POU2F1: variants seen among roughly 807,000 people sequenced by gnomAD.
The protein encoded by POU2F1 is POU class 2 homeobox 1.
POU2F1 carries 16 observed loss-of-function variants against 84.9 expected under a neutral mutation model. That is an observed-to-expected ratio of 0.19 (90% confidence interval 0.13 to 0.29). The LOEUF is 0.29. Among genes scored for constraint, POU2F1 ranks in the 10% least tolerant of loss-of-function variants. The probability of loss-of-function intolerance (pLI) is 1.00; values close to 1 mark genes in which losing one functional copy is unlikely to be tolerated. For synonymous variants in POU2F1, 368 were observed against 368.3 expected (o/e 1.00, Z 0.01); for missense variants, 738 against 942.6 (o/e 0.78, Z 2.84).
At chr1:167,365,375 A>C in intron 2 of POU2F1, 92 bp from the exon 3 acceptor site, 1 of 910,202 alleles carries the variant, frequency 1.1e-6, no homozygotes, top group Non-Finnish European at 1.6e-6. Context: ...ACTTATGCAA[A>C]ATAGGTGCCT....
chr1:167,415,401 GT>G (rs1033285506), intron 15 of POU2F1, 98 bp from the exon 16 acceptor site: 17 of 1,334,954 alleles, frequency 1.3e-5, no homozygotes, highest in East Asian at 2.3e-5. Flanking sequence ...TTCCTGGTGG[GT>G]TGTAGGAAAA....
rs1422601187 is a variant in POU2F1 at position 167,424,450 on chromosome 1, GGTA to G, written c.*8646_*8648del. Reference sequence around the variant, plus strand: ...TCTGTACTTCCATCCCCTCATCTGTGGTAGTAGTGAAGGCTAGGTGAGTAAGCG... The same window carrying G: ...TCTGTACTTCCATCCCCTCATCTGTGGTAGTGAAGGCTAGGTGAGTAAGCG... On this transcript the variant is annotated 3_prime_UTR_variant, in exon 16 of 16. Transcript: ENST00000367866. 2 of 152,298 alleles carry G rather than the reference GGTA, an allele frequency of 1.3e-5. No individual in the cohort carries two copies. The highest frequency in any genetic ancestry group is 4.8e-5 in the African/African-American group (2 of 41,464). The allele number at this position is 152,298 out of a possible 1,614,324, so 9.4% of individuals were successfully genotyped here.
intron 2 of POU2F1, chr1:167,338,261 A>G (rs762343185): frequency 2.2e-6 from 1 of 459,398 alleles, no homozygotes; most frequent in South Asian, 1.6e-5. Context: ...AATGAATAGT[A>G]AATATATTTT....
At chr1:167,266,225 T>C (rs1411536193) in intron 1 of POU2F1, among the ~76,000 whole-genome samples, 1 of 152,230 alleles carries the variant, frequency 6.6e-6, no homozygotes, top group Non-Finnish European at 1.5e-5. Flanking sequence ...GCCTTTTTTA[T>C]AGTTGCCTTT....
chr1:167,371,085 G>A (rs575832140), intron 4 of POU2F1, among the ~76,000 whole-genome samples: 1 of 152,264 alleles, frequency 6.6e-6, no homozygotes, highest in South Asian at 2.1e-4. Flanking sequence ...TAACACGTAG[G>A]AACAAGGAGA....
intron 7 of POU2F1, chr1:167,379,274 A>G (rs552278565): frequency 3.1e-4 from 47 of 152,296 alleles, no homozygotes; most frequent in African/African-American, 1.1e-3. Context: ...ATATCTTCCA[A>G]TAAGAAAGTC....
At chr1:167,372,537 T>C (rs1660076390) in intron 5 of POU2F1, among the ~76,000 whole-genome samples, 1 of 152,254 alleles carries the variant, frequency 6.6e-6, no homozygotes, top group Non-Finnish European at 1.5e-5. Context: ...CATTTCCCTC[T>C]ACCTGTTTTC....
In POU2F1 at chr1:167,427,254, AT is replaced by A. The variant is rs904537537; in HGVS notation, c.*11450del. 6.6e-6 allele frequency: 1 copy of A among 151,078 alleles called. No individual in the cohort carries two copies. Among genetic ancestry groups the A allele is most frequent in the Non-Finnish European group, 1.5e-5 (1 of 67,684 alleles). The allele number at this position is 151,078 out of a possible 1,614,324, so 9.4% of individuals were successfully genotyped here. A position where few individuals can be genotyped will look rare whatever the true frequency, so the allele number is the denominator to read the frequency against. ...TGTGTAGATGCATTTGTCTGCTGTA[AT>A]TTTTTATATATATATTAAACTTACT... On this transcript the variant is annotated 3_prime_UTR_variant, in exon 16 of 16. Coordinates refer to ENST00000367866, the MANE Select transcript of POU2F1 (RefSeq NM_002697.4).
intron 1 of POU2F1, 43 bp from the exon 2 acceptor site, chr1:167,332,427 C>G (rs1657133683): frequency 1.3e-6 from 2 of 1,499,794 alleles, no homozygotes; most frequent in Admixed American, 1.7e-5. Context: ...CCATCTCCAT[C>G]CCCAGTTTTT....
intron 2 of POU2F1, among the ~76,000 whole-genome samples, chr1:167,357,280 A>G (rs1177375240): frequency 6.7e-6 from 1 of 149,216 alleles, no homozygotes; most frequent in Non-Finnish European, 1.5e-5. Context: ...TATGATGTTT[A>G]TTTATTTTAA....
At chr1:167,305,718 T>C (rs550850590) in intron 1 of POU2F1, among the ~76,000 whole-genome samples, 1 of 152,358 alleles carries the variant, frequency 6.6e-6, no homozygotes, top group South Asian at 2.1e-4. Context: ...CAGATAGTAC[T>C]TTGATTTTAC....
rs774736457 is a variant in POU2F1 at position 167,332,511 on chromosome 1, A to G, written c.103A>G (p.Met35Val). ...NNPSETSKPS[M>V]ESGDGNTGTQ... ...TCCGTCAGAAACCAGTAAACCATCT[A>G]TGGAGAGTGGAGATGGCAACACAGG... Residue 35 changes from methionine (M) to valine (V), a missense_variant, in exon 2 of 16, where the codon ATG (methionine) becomes GTG (valine). Met to Val is a conservative substitution (Grantham distance 21). Coordinates refer to ENST00000367866, the MANE Select transcript of POU2F1 (RefSeq NM_002697.4). 2.5e-6 allele frequency: 4 copies of G among 1,608,880 alleles called. No homozygotes were observed. Among genetic ancestry groups the G allele is most frequent in the Non-Finnish European group, 3.4e-6 (4 of 1,175,406 alleles).
intron 1 of POU2F1, 51 bp downstream of exon 1, chr1:167,221,009 C>T: frequency 7.0e-7 from 1 of 1,433,592 alleles, no homozygotes; most frequent in South Asian, 1.2e-5. Flanking sequence ...ACCCCGGCTC[C>T]CGCTGCCCCC....
intron 1 of POU2F1, among the ~76,000 whole-genome samples, chr1:167,248,129 A>G (rs1325957626): frequency 1.3e-5 from 2 of 152,340 alleles, no homozygotes; most frequent in Middle Eastern, 3.4e-3. Flanking sequence ...TTAAAAAAGC[A>G]TTGCAGGAAA....
chr1:167,407,792 A>G (rs546650185), intron 13 of POU2F1, among the ~76,000 whole-genome samples: 1 of 152,344 alleles, frequency 6.6e-6, no homozygotes, highest in South Asian at 2.1e-4. Context: ...AGCTGAAACT[A>G]TAAAGTTGCT....
At position 167,416,039 on chromosome 1, in the gene POU2F1, G is replaced by T; in HGVS notation, c.*229G>T. On this transcript the variant is annotated 3_prime_UTR_variant, in exon 16 of 16. Coordinates refer to ENST00000367866, the MANE Select transcript of POU2F1 (RefSeq NM_002697.4). ...TTGCCTAATTTTGTAATAAAACACT[G>T]TCTTTTCAGGATTGCTTCATGGATT... 1.7e-6 allele frequency: 1 copy of T among 571,942 alleles called. No homozygotes were observed. The highest frequency in any genetic ancestry group is 3.3e-5 in the Admixed American group (1 of 30,266). The allele number at this position is 571,942 out of a possible 1,614,324, so 35.4% of individuals were successfully genotyped here.
chr1:167,320,697 A>G (rs1190277145), intron 1 of POU2F1, among the ~76,000 whole-genome samples: 4 of 152,234 alleles, frequency 2.6e-5, no homozygotes, highest in Non-Finnish European at 5.9e-5. Context: ...GTTGCTCTTG[A>G]ACAATAACAC....
chr1:167,223,818 A>G (rs557713364), intron 1 of POU2F1, among the ~76,000 whole-genome samples: 2 of 152,222 alleles, frequency 1.3e-5, no homozygotes, highest in Non-Finnish European at 2.9e-5. Flanking sequence ...GACAAAAAGC[A>G]GCAATATAAT....
intron 15 of POU2F1, 54 bp downstream of exon 15, chr1:167,413,168 T>C: frequency 3.9e-6 from 3 of 765,246 alleles, no homozygotes; most frequent in Non-Finnish European, 5.7e-6. Context: ...TGTGAGTGTG[T>C]GTGTGTGTGT....
Sources: allele counts gnomAD v4.1 joint callset (sites outside exome capture counted in the v4.1 genomes callset), GRCh38; gene constraint gnomAD v4.1.1; transcripts MANE v1.5; gene names NCBI Gene and HGNC (gene_info 2026-07-23, HGNC 2026-07-21).